Variants in YEATS2 observed in about 807,000 individuals in gnomAD.
The protein encoded by YEATS2 is YEATS domain containing 2.
In YEATS2, 77 loss-of-function variants were observed where a neutral mutation model predicts 163.2. The ratio of observed to expected loss-of-function variants is 0.47; its 90% CI spans 0.39 to 0.57. The LOEUF is 0.57. Among genes scored for constraint, YEATS2 ranks in the 20% least tolerant of loss-of-function variants. The pLI is 0.00. For synonymous variants in YEATS2, 631 were observed against 645.1 expected (o/e 0.98, Z 0.33); for missense variants, 1,549 against 1,729.8 (o/e 0.90, Z 1.85).
chr3:183,724,446 A>G lies in YEATS2; in HGVS notation c.565A>G (p.Lys189Glu), dbSNP rs777240880. The change falls in exon 6 of 31, where the codon AAA (lysine) becomes GAA (glutamate). Residue 189 changes from lysine to glutamate, a missense_variant. Lys to Glu is a moderately conservative substitution (Grantham distance 56). Coordinates refer to ENST00000305135, the MANE Select transcript of YEATS2 (RefSeq NM_018023.5). The stretch of plus-strand genomic sequence containing the variant: ...TACTTCTAGAATTACTGGCTCCCAT[A>G]AAACAGAACAGCGGAATGCTGATCT... ...RDTSRITGSH[K>E]TEQRNADLTD... 10 of 1,613,180 alleles carry G rather than the reference A, an allele frequency of 6.2e-6. No homozygotes were observed. Among genetic ancestry groups the G allele is most frequent in the Non-Finnish European group, 8.5e-6 (10 of 1,179,714 alleles).
At chr3:183,759,101 C>T in intron 13 of YEATS2, 136 bp downstream of exon 13, 1 of 589,638 alleles carries the variant, frequency 1.7e-6, no homozygotes, top group Non-Finnish European at 2.9e-6. Flanking sequence ...AGAGATCTGC[C>T]ACCTCACCTG....
chr3:183,770,218 T>C (rs997449863), intron 15 of YEATS2, among the ~76,000 whole-genome samples: 3 of 151,182 alleles, frequency 2.0e-5, no homozygotes, highest in South Asian at 2.1e-4. Flanking sequence ...GAAACCCCGT[T>C]TCTACTAAAA....
At chr3:183,767,757 TC>T (rs1287659181) in intron 15 of YEATS2, among the ~76,000 whole-genome samples, 1 of 151,830 alleles carries the variant, frequency 6.6e-6, no homozygotes, top group Non-Finnish European at 1.5e-5. Flanking sequence ...CCTCTAATGA[TC>T]CGCCCACCTC....
At chr3:183,752,674 A>G (rs1165161273) in intron 10 of YEATS2, among the ~76,000 whole-genome samples, 1 of 146,570 alleles carries the variant, frequency 6.8e-6, no homozygotes. Flanking sequence ...GTACCACTGC[A>G]CTCCAGCCTG....
chr3:183,796,148 ATTTTTTTTTT>A, intron 21 of YEATS2, among the ~76,000 whole-genome samples: 1 of 96,060 alleles, frequency 1.0e-5, no homozygotes, highest in African/African-American at 4.3e-5. Context: ...ATGCCCGGCT[ATTTTTTTTTT>A]TTTTTTTTTT....
At chr3:183,742,855 C>T (rs1340273611) in intron 8 of YEATS2, among the ~76,000 whole-genome samples, 2 of 152,166 alleles carry the variant, frequency 1.3e-5, no homozygotes, top group Non-Finnish European at 2.9e-5. Context: ...TAAGAAATTG[C>T]CGTAGCCACC....
rs541086223 is a variant in YEATS2 at position 183,772,322 on chromosome 3, T to G, written c.1965T>G (p.Val655=). ...VQPSKVVGVP[V]GSALPSTVKQ... ...TTGAACAGGTTGTCGGGGTACCAGTTGGGTCTGCTTTACCTTCAACAGTGA... is the reference window on the plus strand; with the variant it reads ...TTGAACAGGTTGTCGGGGTACCAGTGGGGTCTGCTTTACCTTCAACAGTGA... Residue 655 remains valine, a synonymous_variant, in exon 16 of 31, where the codon GTT becomes GTG. Transcript: ENST00000305135. 3.1e-6 allele frequency: 5 copies of G among 1,613,978 alleles called. No homozygotes were observed. The South Asian group carries it at 4.4e-5, about 14-fold the overall frequency.
chr3:183,783,836 C>T lies in YEATS2; in HGVS notation c.2737-2289C>T, dbSNP rs368975756. ...CTATTGTGAATAGTGCAGTGATGGA[C>T]ATAGGGGTGCATGTGTCTTTTTAGT... On this transcript the variant is annotated intron_variant, in intron 19 of 30. Coordinates refer to ENST00000305135, the MANE Select transcript of YEATS2 (RefSeq NM_018023.5). 8.9e-4 allele frequency among the ~76,000 whole-genome samples: 135 copies of T among 152,158 alleles called. 3 individuals are homozygous for T. The highest frequency in any genetic ancestry group is 7.4e-4 in the Non-Finnish European group (50 of 68,026).
At chr3:183,768,349 C>T (rs925737313) in intron 15 of YEATS2, among the ~76,000 whole-genome samples, 1 of 152,148 alleles carries the variant, frequency 6.6e-6, no homozygotes, top group African/African-American at 2.4e-5. Flanking sequence ...GCACACATCC[C>T]GTTAGCCAGA....
chr3:183,747,205 G>A (rs1719638206), intron 8 of YEATS2, among the ~76,000 whole-genome samples: 1 of 151,886 alleles, frequency 6.6e-6, no homozygotes, highest in Non-Finnish European at 1.5e-5. Flanking sequence ...ATATAATTGT[G>A]TCCAAGAATG....
At chr3:183,793,101 A>G (rs1421330310) in intron 21 of YEATS2, 2 of 1,264,400 alleles carry the variant, frequency 1.6e-6, no homozygotes, top group Non-Finnish European at 2.1e-6. Context: ...TAAATACTGT[A>G]TTATCTTGTT....
chr3:183,727,495 G>A (rs1316595415), intron 6 of YEATS2, among the ~76,000 whole-genome samples: 1 of 152,084 alleles, frequency 6.6e-6, no homozygotes, highest in African/African-American at 2.4e-5. Flanking sequence ...AATCCCATCA[G>A]GGTTCATGAC....
intron 6 of YEATS2, among the ~76,000 whole-genome samples, chr3:183,725,050 T>TA (rs1716934369): frequency 6.7e-6 from 1 of 150,288 alleles, no homozygotes; most frequent in Non-Finnish European, 1.5e-5. Context: ...CCTTTTTTTT[T>TA]TTTTTTTTTT....
Position 183,776,133 on chromosome 3 carries a change from T to G in YEATS2, c.2577+10T>G. On this transcript the variant is annotated intron_variant, in intron 18 of 30. Coordinates refer to ENST00000305135, the MANE Select transcript of YEATS2 (RefSeq NM_018023.5). ...CAAGCAAACTCCCCAGGTCTGGTTC[T>G]CTGTAACTGATATTTTAAATCATTT... 1 of 1,540,206 alleles carries G rather than the reference T, an allele frequency of 6.5e-7. No homozygotes were observed. The highest frequency in any genetic ancestry group is 8.7e-7 in the Non-Finnish European group (1 of 1,146,816).
At chr3:183,785,603 C>G (rs1723991308) in intron 19 of YEATS2, among the ~76,000 whole-genome samples, 1 of 151,992 alleles carries the variant, frequency 6.6e-6, no homozygotes, top group African/African-American at 2.4e-5. Flanking sequence ...CTGCAGTGAG[C>G]TATGATTGTG....
intron 19 of YEATS2, among the ~76,000 whole-genome samples, chr3:183,781,963 C>CT (rs1226672775): frequency 2.0e-5 from 3 of 151,798 alleles, no homozygotes; most frequent in Non-Finnish European, 2.9e-5. Context: ...CATAGATTAG[C>CT]TTTTGTCTTT....
At chr3:183,727,503 G>C (rs1392018283) in intron 6 of YEATS2, among the ~76,000 whole-genome samples, 1 of 152,128 alleles carries the variant, frequency 6.6e-6, no homozygotes, top group Non-Finnish European at 1.5e-5. Flanking sequence ...CAGGGTTCAT[G>C]ACTTTCATGA....
chr3:183,806,768 T>G, intron 27 of YEATS2, 98 bp from the exon 28 acceptor site: 1 of 1,255,922 alleles, frequency 8.0e-7, no homozygotes, highest in Middle Eastern at 2.1e-4. Context: ...GCTCCCCTGA[T>G]GCTTATCCCC....
chr3:183,714,235 T>G (rs1459456895), intron 1 of YEATS2, among the ~76,000 whole-genome samples: 2 of 148,766 alleles, frequency 1.3e-5, no homozygotes, highest in Non-Finnish European at 3.0e-5. Context: ...TCGCTCTGTC[T>G]CCCAGGCTGG....
Sources: gnomAD v4.1 joint callset for allele counts (sites outside exome capture counted in the v4.1 genomes callset) on GRCh38, gnomAD v4.1.1 for gene constraint, MANE v1.5 for transcripts, NCBI Gene and HGNC (gene_info 2026-07-23, HGNC 2026-07-21) for gene names.